Variants in HAS2 observed in about 807,000 individuals in gnomAD.
The protein encoded by HAS2 is HA synthase 2.
In HAS2, 16 loss-of-function variants were observed where a neutral mutation model predicts 51.6. That is an observed-to-expected ratio of 0.31 (90% confidence interval 0.21 to 0.47). The LOEUF is 0.47. Among genes scored for constraint, HAS2 ranks in the 20% least tolerant of loss-of-function variants. The pLI is 1.00. For synonymous variants in HAS2, 228 were observed against 235.5 expected (o/e 0.97, Z 0.29); for missense variants, 361 against 662.6 (o/e 0.54, Z 5.00).
At chr8:121,621,207 A>C (rs1033862800) in intron 2 of HAS2, among the ~76,000 whole-genome samples, 2 of 152,212 alleles carry the variant, frequency 1.3e-5, no homozygotes, top group African/African-American at 4.8e-5. Context: ...AATATGTTTG[A>C]AGCCCAATTT....
chr8:121,626,473 A>G (rs774749012), intron 2 of HAS2, among the ~76,000 whole-genome samples: 38 of 152,158 alleles, frequency 2.5e-4, no homozygotes, highest in Non-Finnish European at 5.3e-4. Context: ...AGCATGGTCA[A>G]TTTCTTCCCC....
chr8:121,635,958 G>A (rs532778132), intron 1 of HAS2, among the ~76,000 whole-genome samples: 26 of 152,328 alleles, frequency 1.7e-4, no homozygotes, highest in Non-Finnish European at 3.1e-4. Flanking sequence ...GACATACTCA[G>A]GTCAGGTGGT....
chr8:121,629,454 A>T, intron 1 of HAS2, 114 bp from the exon 2 acceptor site: 1 of 827,906 alleles, frequency 1.2e-6, no homozygotes, highest in Non-Finnish European at 1.9e-6. Context: ...TTTAACACTC[A>T]ATTTCTCGCC....
chr8:121,640,626 G>T (rs1260752348), intron 1 of HAS2, among the ~76,000 whole-genome samples: 2 of 152,258 alleles, frequency 1.3e-5, no homozygotes, highest in Admixed American at 6.5e-5. Flanking sequence ...CAGAAAGGCA[G>T]CGGATTTCTG....
At chr8:121,640,447 G>GGA (rs1563625819) in intron 1 of HAS2, among the ~76,000 whole-genome samples, 27 of 150,988 alleles carry the variant, frequency 1.8e-4, no homozygotes, top group African/African-American at 6.1e-4. Context: ...GTGTGTGTGG[G>GGA]AAAAAAAGAA....
In HAS2 at chr8:121,613,392, A is replaced by G. The variant is rs540826593; in HGVS notation, c.*717T>C. On this transcript the variant is annotated 3_prime_UTR_variant, in exon 4 of 4. Coordinates refer to ENST00000303924, the MANE Select transcript of HAS2 (RefSeq NM_005328.3). ...TTCTTTCACAGAAATAAACTATTCA[A>G]TTTTAAAAGGTAGAGAGAGAGAAAC... 21 of 152,736 alleles carry G rather than the reference A, an allele frequency of 1.4e-4. No individual in the cohort carries two copies. The highest frequency in any genetic ancestry group is 1.3e-3 in the Admixed American group (20 of 15,306). 9.5% of individuals were successfully genotyped at this position (152,736 alleles called of 1,614,324 possible).
In HAS2 at chr8:121,641,261, G is replaced by T; in HGVS notation, c.-409C>A. 7.4e-6 allele frequency: 1 copy of T among 134,352 alleles called. No individual in the cohort carries two copies. The highest frequency in any genetic ancestry group is 2.2e-4 in the East Asian group (1 of 4,542). 8.3% of individuals were successfully genotyped at this position (134,352 alleles called of 1,614,324 possible). A position where few individuals can be genotyped will look rare whatever the true frequency, so the allele number is the denominator to read the frequency against. On this transcript the variant is annotated 5_prime_UTR_variant, in exon 1 of 4. Transcript: ENST00000303924. Reference sequence around the variant, plus strand: ...AAAAAAAAAAAAAAAAAAAGCCTGTGGAAGACTCAGCAGAACCCAGGAAGC... The same window carrying T: ...AAAAAAAAAAAAAAAAAAAGCCTGTTGAAGACTCAGCAGAACCCAGGAAGC...
chr8:121,639,385 G>A (rs1028477256), intron 1 of HAS2: 1 of 152,506 alleles, frequency 6.6e-6, no homozygotes, highest in African/African-American at 2.4e-5. Context: ...CGGTCCCAAG[G>A]GTGAGGGAGT....
chr8:121,632,677 T>C (rs1028710199), intron 1 of HAS2, among the ~76,000 whole-genome samples: 8 of 152,208 alleles, frequency 5.3e-5, no homozygotes, highest in Admixed American at 5.2e-4. Context: ...CATAAAACAC[T>C]GCCCAGCTTA....
intron 2 of HAS2, among the ~76,000 whole-genome samples, chr8:121,622,044 A>G (rs1373850729): frequency 7.9e-6 from 1 of 125,950 alleles, no homozygotes; most frequent in Non-Finnish European, 1.7e-5. Flanking sequence ...TTCACCCTTC[A>G]TCTTAACCTT....
In HAS2 at chr8:121,614,072, G is replaced by A; in HGVS notation, c.*37C>T. 6.2e-7 allele frequency: 1 copy of A among 1,613,534 alleles called. No individual in the cohort carries two copies. Among genetic ancestry groups the A allele is most frequent in the Non-Finnish European group, 8.5e-7 (1 of 1,179,862 alleles). On this transcript the variant is annotated 3_prime_UTR_variant, in exon 4 of 4. Coordinates refer to ENST00000303924, the MANE Select transcript of HAS2 (RefSeq NM_005328.3). The surrounding 1 kb of genome is among the most constrained non-coding windows in gnomAD (Gnocchi z 7.2). ...CTGTACAGCCCCTAGAGGAACTAAG[G>A]TGTTGTGTGTGACTGCAAACGTCAA...
In HAS2 at chr8:121,638,918, G is replaced by A. The variant is rs141523865; in HGVS notation, c.-1+1935C>T. Among the ~76,000 whole-genome samples the A allele has an allele frequency of 9.8e-4, 150 of 152,314 alleles. 4 individuals are homozygous for A. In the East Asian group the frequency reaches 0.027, roughly 28 times the overall value. On this transcript the variant is annotated intron_variant, in intron 1 of 3. Coordinates refer to ENST00000303924, the MANE Select transcript of HAS2 (RefSeq NM_005328.3). ...AATTGTATCTACAAAGAGGTTGATGGACTTGGATCTATGGAAATACATATT... is the reference window on the plus strand; with the variant it reads ...AATTGTATCTACAAAGAGGTTGATGAACTTGGATCTATGGAAATACATATT...
At position 121,629,166 on chromosome 8, in the gene HAS2, T is replaced by C. The variant is rs558440137; in HGVS notation, c.175A>G (p.Ile59Val). 2 of 1,614,058 alleles carry C rather than the reference T, an allele frequency of 1.2e-6. No individual in the cohort carries two copies. Among genetic ancestry groups the C allele is most frequent in the African/African-American group, 2.7e-5 (2 of 75,030 alleles). Residue 59 changes from isoleucine (I) to valine (V), a missense_variant, in exon 2 of 4, where the codon ATC (isoleucine) becomes GTC (valine). Physicochemically the swap from Ile to Val is conservative, Grantham distance 29. This residue lies in a region of HAS2 where 145 missense variants were observed against 217.6 expected (regional missense o/e 0.67). Coordinates refer to ENST00000303924, the MANE Select transcript of HAS2 (RefSeq NM_005328.3). ...YGAFLASHLI[I>V]QSLFAFLEHR... ...TCCAAAAAGGCAAACAGGCTTTGGATGATGAGGTGTGATGCCAAAAAGGCA... is the reference window on the plus strand; with the variant it reads ...TCCAAAAAGGCAAACAGGCTTTGGACGATGAGGTGTGATGCCAAAAAGGCA...
chr8:121,636,113 A>C (rs1813004634), intron 1 of HAS2, among the ~76,000 whole-genome samples: 1 of 152,248 alleles, frequency 6.6e-6, no homozygotes, highest in South Asian at 2.1e-4. Flanking sequence ...GAGTTCATTG[A>C]TATGGGCTGT....
rs1468990697 is a variant in HAS2 at position 121,612,999 on chromosome 8, TA to T, written c.*1109del. The T allele has an allele frequency of 2.0e-5, 3 of 150,972 alleles. No individual in the cohort carries two copies. Among genetic ancestry groups the T allele is most frequent in the Non-Finnish European group, 4.4e-5 (3 of 67,776 alleles). 9.4% of individuals were successfully genotyped at this position (150,972 alleles called of 1,614,324 possible). A position where few individuals can be genotyped will look rare whatever the true frequency, so the allele number is the denominator to read the frequency against. ...TGTTCAATGTGTAGGTAGGACCCAG[TA>T]AATTCAGGCCACAGAACAAAACCTT... On this transcript the variant is annotated 3_prime_UTR_variant, in exon 4 of 4. Transcript: ENST00000303924.
At chr8:121,623,723 C>T (rs1018457787) in intron 2 of HAS2, among the ~76,000 whole-genome samples, 1 of 152,158 alleles carries the variant, frequency 6.6e-6, no homozygotes, top group African/African-American at 2.4e-5. Context: ...AGGCCAGGAC[C>T]ATAGCAGGTA....
At chr8:121,634,748 T>G (rs1344416176) in intron 1 of HAS2, among the ~76,000 whole-genome samples, 3 of 147,480 alleles carry the variant, frequency 2.0e-5, no homozygotes, top group East Asian at 4.0e-4. Context: ...CCTCAAACAG[T>G]CTTTTTTTTT....
chr8:121,629,842 T>TA (rs1020924678), intron 1 of HAS2, among the ~76,000 whole-genome samples: 58 of 152,304 alleles, frequency 3.8e-4, no homozygotes, highest in African/African-American at 1.4e-3. Flanking sequence ...TTCTTCAACT[T>TA]ACATCCTTTC....
intron 1 of HAS2, among the ~76,000 whole-genome samples, chr8:121,640,420 A>AGTGTGTGTGTGTGTGTGTGTGT (rs10578731): frequency 6.7e-6 from 1 of 148,326 alleles, no homozygotes; most frequent in African/African-American, 2.5e-5. Context: ...TTCTCCCCAC[A>AGTGTGTGTGTGTGTGTGTGTGT]GTGTGTGTGT....
Sources: gnomAD v4.1 joint callset for allele counts (sites outside exome capture counted in the v4.1 genomes callset) on GRCh38, gnomAD v4.1.1 for gene constraint, gnomAD v4.1.1 regional missense constraint, Gnocchi (gnomAD v3.1) non-coding constraint, MANE v1.5 for transcripts, NCBI Gene and HGNC (gene_info 2026-07-23, HGNC 2026-07-21) for gene names.